TPD52L1: variants seen among roughly 807,000 people sequenced by gnomAD.
TPD52L1 encodes the protein tumor protein D53.
Under a neutral mutation model 28.7 loss-of-function variants are expected in TPD52L1, and 18 were observed. The ratio of observed to expected loss-of-function variants is 0.63; its 90% CI spans 0.43 to 0.93. The LOEUF is 0.93. Ranked by LOEUF, TPD52L1 falls within the 40% of genes least tolerant of loss-of-function variation. TPD52L1 has a pLI of 0.00. For missense variants in TPD52L1, 203 were observed against 254.8 expected (o/e 0.80, Z 1.39); for synonymous variants, 75 against 88.8 (o/e 0.84, Z 0.88).
intron 3 of TPD52L1, among the ~76,000 whole-genome samples, chr6:125,233,983 A>G (rs1796107137): frequency 1.3e-5 from 2 of 152,220 alleles, no homozygotes; most frequent in South Asian, 4.1e-4. Context: ...GTCCTTGCCA[A>G]TAAATGCTAT....
At chr6:125,159,614 A>T (rs1395765155) in intron 1 of TPD52L1, among the ~76,000 whole-genome samples, 3 of 152,186 alleles carry the variant, frequency 2.0e-5, no homozygotes, top group Non-Finnish European at 4.4e-5. Flanking sequence ...AGAATGGTGA[A>T]TCCTTTCCAG....
intron 1 of TPD52L1, among the ~76,000 whole-genome samples, chr6:125,188,779 C>G (rs570428916): frequency 6.6e-6 from 1 of 152,198 alleles, no homozygotes; most frequent in Admixed American, 6.5e-5. Context: ...ATCAAAGTGG[C>G]ATGCATGGCA....
At chr6:125,177,669 A>G (rs1320377544) in intron 1 of TPD52L1, among the ~76,000 whole-genome samples, 1 of 152,238 alleles carries the variant, frequency 6.6e-6, no homozygotes, top group East Asian at 1.9e-4. Context: ...GAGACTGTTT[A>G]GAGGCTTATT....
chr6:125,233,470 C>A lies in TPD52L1; in HGVS notation c.284+4204C>A, dbSNP rs1796073304. Among the ~76,000 whole-genome samples the A allele has an allele frequency of 2.0e-5, 3 of 152,284 alleles. 1 individual carries two copies. Among genetic ancestry groups the A allele is most frequent in the Middle Eastern group, 6.8e-3 (2 of 294 alleles). On this transcript the variant is annotated intron_variant, in intron 3 of 6. Coordinates refer to ENST00000534000, the MANE Select transcript of TPD52L1 (RefSeq NM_003287.4). ...GACCTAATTTTAAAAGATGTACACA[C>A]CCAATCTCTCACATGGTTGTTCATT...
At chr6:125,156,463 C>CAAAAAAAAAAAAAAAAAAA (rs758623258) in intron 1 of TPD52L1, among the ~76,000 whole-genome samples, 34 of 37,184 alleles carry the variant, frequency 9.1e-4, no homozygotes, top group East Asian at 6.1e-3. Flanking sequence ...GACCTTGTCT[C>CAAAAAAAAAAAAAAAAAAA]AAAAAAAAAA....
chr6:125,262,884 C>T lies in TPD52L1; in HGVS notation c.537C>T (p.Leu179=), dbSNP rs1430650605. Residue 179 remains leucine, a synonymous_variant, in exon 7 of 7, where the codon CTC becomes CTT. Coordinates refer to ENST00000534000, the MANE Select transcript of TPD52L1 (RefSeq NM_003287.4). ...NPNGGSFEEV[L]SSTAHASAQS... is the part of the protein sequence containing the mutation. ...ATGGAGGCAGTTTTGAGGAGGTCCT[C>T]AGCTCCACGGCCCATGCCAGTGCCC... The T allele has an allele frequency of 1.9e-6, 3 of 1,614,236 alleles. No homozygotes were observed. The highest frequency in any genetic ancestry group is 1.1e-5 in the South Asian group (1 of 91,084).
intron 1 of TPD52L1, among the ~76,000 whole-genome samples, chr6:125,207,367 T>C (rs1018852919): frequency 2.0e-5 from 3 of 152,206 alleles, no homozygotes; most frequent in Admixed American, 2.0e-4. Flanking sequence ...GTTTGGGCAA[T>C]TTATTTAACT....
chr6:125,168,443 TCTCTTCTC>T (rs1791053821), intron 1 of TPD52L1, among the ~76,000 whole-genome samples: 3 of 151,854 alleles, frequency 2.0e-5, no homozygotes, highest in African/African-American at 7.3e-5. Context: ...AGGGGGATCC[TCTCTTCTC>T]AGTCCCCTCT....
intron 2 of TPD52L1, among the ~76,000 whole-genome samples, chr6:125,223,460 G>A (rs1430866167): frequency 1.4e-4 from 22 of 152,116 alleles, no homozygotes; most frequent in Non-Finnish European, 2.9e-4. Context: ...TGTAATCCCA[G>A]CACTTTGGGA....
chr6:125,172,157 T>TTTTCTTTCTTTCTTTC (rs200343475), intron 1 of TPD52L1, among the ~76,000 whole-genome samples: 5 of 54,010 alleles, frequency 9.3e-5, no homozygotes, highest in Non-Finnish European at 1.3e-4. Context: ...TCTTTCTTTC[T>TTTTCTTTCTTTCTTTC]TTTCTTTCTT....
At chr6:125,168,397 C>A (rs548458626) in intron 1 of TPD52L1, among the ~76,000 whole-genome samples, 2 of 152,130 alleles carry the variant, frequency 1.3e-5, no homozygotes, top group South Asian at 2.1e-4. Context: ...CTCTGAGTAC[C>A]CTCACCCCTC....
chr6:125,246,321 C>T (rs541241351), intron 3 of TPD52L1, among the ~76,000 whole-genome samples: 26 of 152,272 alleles, frequency 1.7e-4, no homozygotes, highest in Admixed American at 1.2e-3. Flanking sequence ...TTTCACCCGT[C>T]TCTCAGAATT....
chr6:125,238,193 G>A (rs1471467473), intron 3 of TPD52L1, among the ~76,000 whole-genome samples: 1 of 152,196 alleles, frequency 6.6e-6, no homozygotes, highest in Non-Finnish European at 1.5e-5. Context: ...AAACTATTTA[G>A]TAGCAGGCTT....
chr6:125,189,832 G>T (rs1792914864), intron 1 of TPD52L1, among the ~76,000 whole-genome samples: 1 of 152,120 alleles, frequency 6.6e-6, no homozygotes, highest in African/African-American at 2.4e-5. Flanking sequence ...AGCCACTTGT[G>T]TTTTAAGGTT....
intron 1 of TPD52L1, among the ~76,000 whole-genome samples, chr6:125,201,056 T>G (rs556154391): frequency 6.6e-6 from 1 of 152,314 alleles, no homozygotes; most frequent in East Asian, 1.9e-4. Flanking sequence ...AAAAGTTACA[T>G]TTAACATTCA....
At chr6:125,257,409 A>AATGCT (rs1797672265) in intron 6 of TPD52L1, among the ~76,000 whole-genome samples, 1 of 152,246 alleles carries the variant, frequency 6.6e-6, no homozygotes, top group Non-Finnish European at 1.5e-5. Context: ...TTTACCACTT[A>AATGCT]ATCTCTTAAT....
At chr6:125,189,480 G>A (rs183385999) in intron 1 of TPD52L1, among the ~76,000 whole-genome samples, 5 of 152,338 alleles carry the variant, frequency 3.3e-5, no homozygotes, top group African/African-American at 1.2e-4. Context: ...ACTGGACTCT[G>A]CCTGTGGCCT....
chr6:125,218,089 G>T (rs942091228), intron 1 of TPD52L1, among the ~76,000 whole-genome samples: 6 of 152,172 alleles, frequency 3.9e-5, no homozygotes, highest in African/African-American at 1.4e-4. Flanking sequence ...CATGTAGGTT[G>T]TCTCAGGTCT....
intron 1 of TPD52L1, among the ~76,000 whole-genome samples, chr6:125,157,170 T>C (rs920058654): frequency 3.3e-5 from 5 of 152,158 alleles, no homozygotes; most frequent in African/African-American, 1.2e-4. Context: ...AGAGTGGAGA[T>C]GGCTTGTCTT....
Sources: gnomAD v4.1 joint callset for allele counts (sites outside exome capture counted in the v4.1 genomes callset) on GRCh38, gnomAD v4.1.1 for gene constraint, MANE v1.5 for transcripts, NCBI Gene and HGNC (gene_info 2026-07-23, HGNC 2026-07-21) for gene names.